LRMDA: variants seen among roughly 807,000 people sequenced by gnomAD.
LRMDA encodes the protein leucine rich melanocyte differentiation associated.
LRMDA carries 18 observed loss-of-function variants against 29.8 expected under a neutral mutation model. That is an observed-to-expected ratio of 0.60 (90% confidence interval 0.42 to 0.90). The LOEUF (loss-of-function observed/expected upper bound fraction) is 0.90, where lower values mean the gene tolerates loss of function less well. LRMDA is among the 40% of genes least tolerant of loss of function. The pLI, the probability that LRMDA is intolerant of heterozygous loss-of-function variation, is 0.00. For synonymous variants in LRMDA, 125 were observed against 109.4 expected (o/e 1.14, Z -0.89); for missense variants, 273 against 273.9 (o/e 1.00, Z 0.02).
chr10:76,513,863 A>G (rs1359768561), intron 6 of LRMDA, among the ~76,000 whole-genome samples: 1 of 151,728 alleles, frequency 6.6e-6, no homozygotes. Context: ...TGTAGACCTC[A>G]GTATGCCACA....
intron 5 of LRMDA, among the ~76,000 whole-genome samples, chr10:76,241,659 C>T (rs918696169): frequency 3.3e-5 from 5 of 152,182 alleles, no homozygotes; most frequent in African/African-American, 1.2e-4. Flanking sequence ...GGATTCCCTT[C>T]ATCCTCTGTA....
intron 6 of LRMDA, among the ~76,000 whole-genome samples, chr10:76,449,233 T>C (rs1299221177): frequency 6.6e-6 from 1 of 151,858 alleles, no homozygotes; most frequent in Non-Finnish European, 1.5e-5. Flanking sequence ...CTTTTAATAT[T>C]TGTTTAATCT....
At chr10:75,821,068 C>T (rs1478952991) in intron 2 of LRMDA, among the ~76,000 whole-genome samples, 1 of 152,088 alleles carries the variant, frequency 6.6e-6, no homozygotes, top group Admixed American at 6.5e-5. Context: ...GGTTCATAGC[C>T]GAATTTTACC....
intron 5 of LRMDA, among the ~76,000 whole-genome samples, chr10:76,172,727 T>C (rs1850861236): frequency 6.6e-6 from 1 of 152,186 alleles, no homozygotes; most frequent in South Asian, 2.1e-4. Context: ...TCCAGTAGAC[T>C]ACTCAGGAGA....
At chr10:75,642,078 G>T (rs567080908) in intron 2 of LRMDA, among the ~76,000 whole-genome samples, 1 of 152,150 alleles carries the variant, frequency 6.6e-6, no homozygotes, top group Non-Finnish European at 1.5e-5. Flanking sequence ...AGACCATTAC[G>T]TTGGGTTCTG....
chr10:76,188,935 TACACACACACACAC>T (rs3998129), intron 5 of LRMDA, among the ~76,000 whole-genome samples: 6 of 141,636 alleles, frequency 4.2e-5, no homozygotes, highest in Admixed American at 7.3e-5. Flanking sequence ...TGATTGCATG[TACACACACACACAC>T]ACACACACAC....
At chr10:75,975,524 C>G (rs1847054806) in intron 2 of LRMDA, among the ~76,000 whole-genome samples, 1 of 152,194 alleles carries the variant, frequency 6.6e-6, no homozygotes, top group Non-Finnish European at 1.5e-5. Flanking sequence ...ATGTGACACT[C>G]TTTGTGGAGT....
intron 5 of LRMDA, among the ~76,000 whole-genome samples, chr10:76,114,781 A>G (rs1190031348): frequency 6.6e-6 from 1 of 152,178 alleles, no homozygotes; most frequent in Non-Finnish European, 1.5e-5. Context: ...TGTTTCCCAT[A>G]ATCGTAAGGC....
At chr10:75,433,842 A>G (rs1844234240) in intron 1 of LRMDA, among the ~76,000 whole-genome samples, 1 of 152,180 alleles carries the variant, frequency 6.6e-6, no homozygotes, top group South Asian at 2.1e-4. Context: ...GTGCAAAGAA[A>G]AAAAAACCCT....
At chr10:75,923,458 A>AGAG (rs1350473306) in intron 2 of LRMDA, among the ~76,000 whole-genome samples, 1 of 152,156 alleles carries the variant, frequency 6.6e-6, no homozygotes, top group African/African-American at 2.4e-5. Context: ...AACAGCCGGG[A>AGAG]GAGGAACTCC....
At chr10:75,568,582 G>T (rs898896369) in intron 2 of LRMDA, among the ~76,000 whole-genome samples, 1 of 152,204 alleles carries the variant, frequency 6.6e-6, no homozygotes, top group African/African-American at 2.4e-5. Flanking sequence ...TTCTAGGGCT[G>T]CCTCTTCTAC....
chr10:75,835,197 G>A (rs555905959), intron 2 of LRMDA, among the ~76,000 whole-genome samples: 1 of 152,294 alleles, frequency 6.6e-6, no homozygotes, highest in Non-Finnish European at 1.5e-5. Flanking sequence ...TGGGAAGGCT[G>A]TTTCTTTTGG....
intron 2 of LRMDA, among the ~76,000 whole-genome samples, chr10:75,817,057 C>G (rs1236962495): frequency 6.6e-6 from 1 of 152,194 alleles, no homozygotes; most frequent in Non-Finnish European, 1.5e-5. Context: ...TACTCCTGGC[C>G]TCATCATCGG....
chr10:76,223,558 T>G (rs917043809), intron 5 of LRMDA, among the ~76,000 whole-genome samples: 1 of 152,138 alleles, frequency 6.6e-6, no homozygotes, highest in African/African-American at 2.4e-5. Context: ...AGGAAGTGAT[T>G]AAGTCATGAG....
intron 5 of LRMDA, among the ~76,000 whole-genome samples, chr10:76,212,764 A>T (rs1205658337): frequency 1.3e-5 from 2 of 152,214 alleles, no homozygotes; most frequent in Non-Finnish European, 2.9e-5. Flanking sequence ...ATGGATTGGG[A>T]ATCCTGTGCC....
intron 2 of LRMDA, among the ~76,000 whole-genome samples, chr10:75,647,957 G>A (rs1841544569): frequency 6.6e-6 from 1 of 151,588 alleles, no homozygotes; most frequent in South Asian, 2.1e-4. Context: ...TGAAGATGGG[G>A]TATTGAAAGG....
At chr10:76,368,423 T>A (rs959628416) in intron 6 of LRMDA, among the ~76,000 whole-genome samples, 6 of 152,218 alleles carry the variant, frequency 3.9e-5, no homozygotes, top group Non-Finnish European at 8.8e-5. Context: ...AGATTCCTTT[T>A]GGATTTGATT....
intron 2 of LRMDA, among the ~76,000 whole-genome samples, chr10:75,659,289 A>C (rs909490522): frequency 1.3e-5 from 2 of 152,118 alleles, no homozygotes; most frequent in Admixed American, 1.3e-4. Context: ...TTTTTGCTTA[A>C]AACCCAGCTT....
intron 5 of LRMDA, among the ~76,000 whole-genome samples, chr10:76,113,740 A>G (rs1385876219): frequency 6.6e-6 from 1 of 152,176 alleles, no homozygotes; most frequent in Non-Finnish European, 1.5e-5. Flanking sequence ...TCTCCCAGCC[A>G]CAAGTTCACA....
Sources: allele counts gnomAD v4.1 joint callset (sites outside exome capture counted in the v4.1 genomes callset), GRCh38; gene constraint gnomAD v4.1.1; transcripts MANE v1.5; gene names NCBI Gene and HGNC (gene_info 2026-07-23, HGNC 2026-07-21).